Variants in LHFPL6 observed in about 807,000 individuals in gnomAD.
The protein encoded by LHFPL6 is LHFPL tetraspan subfamily member 6, also known as LHFPL tetraspan subfamily member 6 protein.
In LHFPL6, 9 loss-of-function variants were observed where a neutral mutation model predicts 20.6. That is an observed-to-expected ratio of 0.44 (90% CI 0.26 to 0.76). The LOEUF is 0.76. Ranked by LOEUF, LHFPL6 falls within the 30% of genes least tolerant of loss-of-function variation. The pLI is 0.20. For synonymous variants in LHFPL6, 105 were observed against 98.7 expected (o/e 1.06, Z -0.38); for missense variants, 218 against 253.5 (o/e 0.86, Z 0.95).
intron 2 of LHFPL6, among the ~76,000 whole-genome samples, chr13:39,410,064 T>C (rs375846539): frequency 4.6e-5 from 7 of 152,316 alleles, no homozygotes; most frequent in Admixed American, 1.3e-4. Context: ...AAGACTTACC[T>C]AGCCTCTGCA....
intron 2 of LHFPL6, among the ~76,000 whole-genome samples, chr13:39,574,782 A>C (rs961442788): frequency 7.9e-5 from 12 of 152,054 alleles, no homozygotes; most frequent in Non-Finnish European, 1.5e-4. Context: ...TCATCAAAAA[A>C]CAGGTGGGGC....
chr13:39,505,522 T>C (rs893402211), intron 2 of LHFPL6, among the ~76,000 whole-genome samples: 5 of 151,388 alleles, frequency 3.3e-5, no homozygotes, highest in Non-Finnish European at 7.4e-5. Context: ...CATGAAGGGC[T>C]TCCTGGCAGA....
chr13:39,422,309 A>G (rs1426462071), intron 2 of LHFPL6, among the ~76,000 whole-genome samples: 2 of 152,156 alleles, frequency 1.3e-5, no homozygotes, highest in African/African-American at 2.4e-5. Context: ...CGTCAAGAAG[A>G]AAACACAGGC....
chr13:39,401,679 T>C (rs1275669727), intron 2 of LHFPL6, among the ~76,000 whole-genome samples: 1 of 152,240 alleles, frequency 6.6e-6, no homozygotes, highest in Non-Finnish European at 1.5e-5. Flanking sequence ...CTTTCCTAAC[T>C]TGCCAATACT....
chr13:39,424,450 C>A (rs1381100741), intron 2 of LHFPL6, among the ~76,000 whole-genome samples: 2 of 152,134 alleles, frequency 1.3e-5, no homozygotes, highest in Non-Finnish European at 2.9e-5. Context: ...AGCAACTGCG[C>A]CAGGAGCTCA....
At chr13:39,560,887 A>T (rs551332306) in intron 2 of LHFPL6, among the ~76,000 whole-genome samples, 3 of 152,260 alleles carry the variant, frequency 2.0e-5, no homozygotes, top group African/African-American at 7.2e-5. Context: ...CACTATAACC[A>T]GACCTCTATG....
chr13:39,530,537 C>G (rs1182381592), intron 2 of LHFPL6, among the ~76,000 whole-genome samples: 1 of 152,064 alleles, frequency 6.6e-6, no homozygotes, highest in African/African-American at 2.4e-5. Context: ...TCAAAGGGCA[C>G]CAGCCTCTTT....
At chr13:39,407,729 A>G (rs1871148862) in intron 2 of LHFPL6, among the ~76,000 whole-genome samples, 2 of 152,386 alleles carry the variant, frequency 1.3e-5, no homozygotes, top group Middle Eastern at 6.8e-3. Context: ...TGAGCCATTC[A>G]TATACAAGTA....
chr13:39,356,753 T>A (rs958350488), intron 3 of LHFPL6, among the ~76,000 whole-genome samples: 5 of 152,220 alleles, frequency 3.3e-5, no homozygotes, highest in South Asian at 2.1e-4. Flanking sequence ...GCACACAAAG[T>A]CATTAATCTA....
At chr13:39,479,331 T>G (rs540514130) in intron 2 of LHFPL6, among the ~76,000 whole-genome samples, 40 of 152,210 alleles carry the variant, frequency 2.6e-4, no homozygotes, top group Non-Finnish European at 5.3e-4. Flanking sequence ...CTGGGAAAAC[T>G]CTAGGCAGAA....
intron 2 of LHFPL6, among the ~76,000 whole-genome samples, chr13:39,432,669 A>T (rs1451362996): frequency 6.6e-6 from 1 of 152,130 alleles, no homozygotes; most frequent in Non-Finnish European, 1.5e-5. Flanking sequence ...TGCACTTAGT[A>T]TCTTTCAATG....
rs191719233 is a variant in LHFPL6 at position 39,344,002 on chromosome 13, G to A, written c.537C>T (p.Ala179=). Reference sequence around the variant, plus strand: ...CCAGCCACGTGCACAGCAGCATGGCGGCAGTGGCACCTGCTCCCGTGCAGT... The same window carrying A: ...CCAGCCACGTGCACAGCAGCATGGCAGCAGTGGCACCTGCTCCCGTGCAGT... ...AYYCTGAGAT[A]AMLLCTWLAC... The change falls in exon 4 of 4, where the codon GCC becomes GCT. Residue 179 remains alanine, a synonymous_variant. Coordinates refer to ENST00000379589, the MANE Select transcript of LHFPL6 (RefSeq NM_005780.3). 5.8e-5 allele frequency: 93 copies of A among 1,613,634 alleles called. No homozygotes were observed. In the East Asian group the frequency reaches 1.1e-3, roughly 19 times the overall value.
At chr13:39,392,633 C>T (rs1194874816) in intron 2 of LHFPL6, among the ~76,000 whole-genome samples, 1 of 151,886 alleles carries the variant, frequency 6.6e-6, no homozygotes, top group African/African-American at 2.4e-5. Flanking sequence ...AGAGTAAATG[C>T]TGCATTTCAC....
chr13:39,398,015 T>C (rs865907648), intron 2 of LHFPL6, among the ~76,000 whole-genome samples: 10 of 152,192 alleles, frequency 6.6e-5, no homozygotes, highest in Admixed American at 4.6e-4. Flanking sequence ...GGAGGCAGCA[T>C]CTCAGCCAAA....
At chr13:39,412,653 A>G (rs1335172140) in intron 2 of LHFPL6, among the ~76,000 whole-genome samples, 1 of 152,176 alleles carries the variant, frequency 6.6e-6, no homozygotes, top group Non-Finnish European at 1.5e-5. Flanking sequence ...GGCCAGGTGC[A>G]GTGGCTCACG....
At position 39,545,678 on chromosome 13, in the gene LHFPL6, C is replaced by T. The variant is rs528731152; in HGVS notation, c.385+55154G>A. On this transcript the variant is annotated intron_variant, in intron 2 of 3. Coordinates refer to ENST00000379589, the MANE Select transcript of LHFPL6 (RefSeq NM_005780.3). ...ATACTATTTGAATATACCCTACATA[C>T]ATCCTCTTGTATACTTTAAATCATA... Among the ~76,000 whole-genome samples, 161 of 152,216 alleles carry T rather than the reference C, an allele frequency of 1.1e-3. 4 individuals carry two copies. The South Asian group carries it at 0.033, about 31-fold the overall frequency.
At position 39,557,803 on chromosome 13, in the gene LHFPL6, C is replaced by T. The variant is rs553923337; in HGVS notation, c.385+43029G>A. Reference sequence around the variant, plus strand: ...CTCTCTGACAGGTGTTGCTCCTCAGCGTGCTTGGAAGCCCTCATGAACGGC... The same window carrying T: ...CTCTCTGACAGGTGTTGCTCCTCAGTGTGCTTGGAAGCCCTCATGAACGGC... On this transcript the variant is annotated intron_variant, in intron 2 of 3. Transcript: ENST00000379589. 9.2e-5 allele frequency among the ~76,000 whole-genome samples: 14 copies of T among 152,334 alleles called. No homozygotes were observed. The East Asian group carries it at 1.4e-3, about 15-fold the overall frequency.
chr13:39,364,302 T>C (rs1869956622), intron 3 of LHFPL6, among the ~76,000 whole-genome samples: 1 of 152,150 alleles, frequency 6.6e-6, no homozygotes, highest in Non-Finnish European at 1.5e-5. Context: ...TCCCCTCTTA[T>C]CTAGAGTCCT....
At chr13:39,384,112 C>T (rs757281342) in intron 2 of LHFPL6, among the ~76,000 whole-genome samples, 1 of 152,190 alleles carries the variant, frequency 6.6e-6, no homozygotes, top group Non-Finnish European at 1.5e-5. Flanking sequence ...TGCCCACTCA[C>T]AAAAGGGCAG....
Sources: gnomAD v4.1 joint callset for allele counts (sites outside exome capture counted in the v4.1 genomes callset) on GRCh38, gnomAD v4.1.1 for gene constraint, MANE v1.5 for transcripts, NCBI Gene and HGNC (gene_info 2026-07-23, HGNC 2026-07-21) for gene names.